COL20A1: variants seen among roughly 807,000 people sequenced by gnomAD.
The protein encoded by COL20A1 is collagen alpha-1(XX) chain.
A neutral mutation model predicts 152.9 loss-of-function variants in COL20A1; 164 were observed. The observed-to-expected ratio is 1.07, with a 90% CI of 0.94 to 1.22. The LOEUF (loss-of-function observed/expected upper bound fraction) is 1.22. Among genes scored for constraint, COL20A1 ranks in the 50% most tolerant of loss-of-function variants. COL20A1 has a pLI of 0.00. For synonymous variants in COL20A1, 864 were observed against 756.0 expected (o/e 1.14, Z -2.34); for missense variants, 1,873 against 1,744.8 (o/e 1.07, Z -1.31).
At chr20:63,329,320 G>A in intron 34 of COL20A1, 1 of 548,332 alleles carries the variant, frequency 1.8e-6, no homozygotes. Context: ...CTGTCTAGAT[G>A]AGGGTGACAG....
At position 63,329,598 on chromosome 20, in the gene COL20A1, TG is replaced by T; in HGVS notation, c.3796del (p.Val1266LeufsTer147). On this transcript the variant is annotated frameshift_variant, in exon 35 of 36. Transcript: ENST00000358894. LOFTEE classifies it high-confidence loss of function. ...CTTTCCTCGCAGGGGAGCCTGGAGC[TG>T]TTGGTCAGATGGGCAGCCCTGGGCA... ...HLEGRGEPGA[V>X]GQMGSPGQQG... The T allele has an allele frequency of 3.7e-6, 6 of 1,609,514 alleles. No individual in the cohort carries two copies. The highest frequency in any genetic ancestry group is 4.2e-6 in the Non-Finnish European group (5 of 1,179,312).
intron 2 of COL20A1, among the ~76,000 whole-genome samples, chr20:63,295,871 C>T (rs1039494741): frequency 6.6e-6 from 1 of 152,288 alleles, no homozygotes; most frequent in African/African-American, 2.4e-5. Flanking sequence ...GTAAACTTGT[C>T]CCTGGGCTGG....
At chr20:63,295,700 G>A (rs111980331) in intron 2 of COL20A1, among the ~76,000 whole-genome samples, 9,083 of 152,340 alleles carry the variant, frequency 0.06, 337 homozygotes, top group Middle Eastern at 0.11. Flanking sequence ...TTTGGGTAAC[G>A]TAGGGCACCG....
intron 3 of COL20A1, among the ~76,000 whole-genome samples, chr20:63,303,253 GT>G (rs751913195): frequency 3.9e-5 from 6 of 152,256 alleles, no homozygotes; most frequent in South Asian, 4.2e-4. Context: ...TTGAAATGGG[GT>G]CTCACTATAC....
Position 63,312,867 on chromosome 20 carries a change from C to A in COL20A1, c.2009C>A (p.Ala670Glu). 1 of 1,557,196 alleles carries A rather than the reference C, an allele frequency of 6.4e-7. No individual in the cohort carries two copies. The highest frequency in any genetic ancestry group is 8.7e-7 in the Non-Finnish European group (1 of 1,150,740). ...GCAGTCCAGCTGGCGTGGGTGGCCG[C>A]AGCCCCGTCTGGCGTGCTTGTCTAC... The part of the protein sequence containing the change: ...GDAVQLAWVA[A>E]APSGVLVYQI... Residue 670 changes from alanine (A) to glutamate (E), a missense_variant, in exon 16 of 36, where the codon GCA becomes GAA. By Grantham distance (107) the Ala-to-Glu change is moderately radical (BLOSUM62 -1). Coordinates refer to ENST00000358894, the MANE Select transcript of COL20A1 (RefSeq NM_020882.4).
Position 63,325,777 on chromosome 20 carries a change from C to T in COL20A1, c.3402+56C>T, listed in dbSNP as rs555772296. 156 of 1,509,842 alleles carry T rather than the reference C, an allele frequency of 1.0e-4. 2 individuals are homozygous for T. Among genetic ancestry groups the T allele is most frequent in the South Asian group, 9.9e-4 (86 of 87,140 alleles). The allele number at this position is 1,509,842 out of a possible 1,614,324, so 93.5% of individuals were successfully genotyped here. Reference sequence around the variant, plus strand: ...AGGGTGGTAGAGACTGGCCTGGGGACGGGGGGCCTTGGAGATGGAGGCTGT... The same window carrying T: ...AGGGTGGTAGAGACTGGCCTGGGGATGGGGGGCCTTGGAGATGGAGGCTGT... On this transcript the variant is annotated intron_variant, in intron 29 of 35. Transcript: ENST00000358894.
intron 29 of COL20A1, 111 bp from the exon 30 acceptor site, chr20:63,325,985 C>A: frequency 2.0e-6 from 2 of 1,016,262 alleles, no homozygotes; most frequent in Non-Finnish European, 1.5e-6. Context: ...GCTGCCTCAC[C>A]TTTGCTGCTT....
chr20:63,308,546 T>C lies in COL20A1; in HGVS notation c.780T>C (p.Leu260=). ...RYKGGNTFTG[L]ALTHVLGQNL... is the part of the protein sequence containing the mutation. ...TTTATTCCTGCTGCTCCCAAGGCCT[T>C]GCCCTGACCCACGTGCTGGGGCAGA... is the stretch of plus-strand genomic sequence containing the variant. The change falls in exon 8 of 36, where the codon CTT becomes CTC. Residue 260 remains leucine (L), a synonymous_variant. Transcript: ENST00000358894. 3 of 1,596,172 alleles carry C rather than the reference T, an allele frequency of 1.9e-6. No homozygotes were observed. Among genetic ancestry groups the C allele is most frequent in the Non-Finnish European group, 1.7e-6 (2 of 1,171,916 alleles).
rs6011747 is a variant in COL20A1 at position 63,333,315 on chromosome 20, A to G, written c.*2599A>G. The G allele has an allele frequency of 0.095, 14,455 of 152,330 alleles. 1,000 individuals carry two copies. Among genetic ancestry groups the G allele is most frequent in the African/African-American group, 0.19 (7,999 of 41,504 alleles). 9.4% of individuals were successfully genotyped at this position (152,330 alleles called of 1,614,324 possible). ...CCATGCAGCCGGGGATGTTCAGCTC[A>G]GGCCAGCCACCGAGGTGGTGTGACG... On this transcript the variant is annotated 3_prime_UTR_variant, in exon 36 of 36. Coordinates refer to ENST00000358894, the MANE Select transcript of COL20A1 (RefSeq NM_020882.4).
Position 63,330,748 on chromosome 20 carries a change from C to T in COL20A1, c.*32C>T, listed in dbSNP as rs2068322857. ...ATTTTCTGCACTGCCCCGAGGAACG[C>T]TGAGCCTTCCTCCCTGGGTTTGTCT... is the stretch of plus-strand genomic sequence containing the variant. On this transcript the variant is annotated 3_prime_UTR_variant, in exon 36 of 36. Coordinates refer to ENST00000358894, the MANE Select transcript of COL20A1 (RefSeq NM_020882.4). 2.0e-5 allele frequency: 3 copies of T among 152,284 alleles called. No homozygotes were observed. Among genetic ancestry groups the T allele is most frequent in the Admixed American group, 2.0e-4 (3 of 15,294 alleles). The allele number at this position is 152,284 out of a possible 1,614,324, so 9.4% of individuals were successfully genotyped here.
At chr20:63,295,853 G>A (rs748950798) in intron 2 of COL20A1, among the ~76,000 whole-genome samples, 2 of 152,278 alleles carry the variant, frequency 1.3e-5, no homozygotes, top group Non-Finnish European at 2.9e-5. Context: ...CGGGGCCTCG[G>A]CCACGCTGTA....
At chr20:63,318,243 G>C (rs957454177) in intron 21 of COL20A1, among the ~76,000 whole-genome samples, 1 of 152,190 alleles carries the variant, frequency 6.6e-6, no homozygotes, top group Non-Finnish European at 1.5e-5. Context: ...GGCTCCTGCT[G>C]TGTGGGGTCG....
chr20:63,327,087 TC>T, intron 31 of COL20A1: 1 of 402,782 alleles, frequency 2.5e-6, no homozygotes, highest in Non-Finnish European at 4.4e-6. Flanking sequence ...CCTGTCGCTC[TC>T]CCAGGGACTT....
chr20:63,298,088 C>T (rs992562407), intron 3 of COL20A1, 68 bp downstream of exon 3: 102 of 1,062,184 alleles, frequency 9.6e-5, no homozygotes, highest in Non-Finnish European at 1.3e-4. Flanking sequence ...GTGTGGTGGC[C>T]GCAGCCACCA....
At chr20:63,308,471 G>T in intron 7 of COL20A1, 71 bp from the exon 8 acceptor site, 1 of 1,384,430 alleles carries the variant, frequency 7.2e-7, no homozygotes, top group South Asian at 1.4e-5. Context: ...TCTGCTGTCC[G>T]GTTGCTGCCA....
Position 63,313,848 on chromosome 20 carries a change from G to A in COL20A1, c.2315G>A (p.Trp772Ter), listed in dbSNP as rs2068049992. The change falls in exon 18 of 36, where the codon TGG becomes TAG. Residue 772 changes from tryptophan to a stop codon, truncating the protein, a stop_gained. Coordinates refer to ENST00000358894, the MANE Select transcript of COL20A1 (RefSeq NM_020882.4). LOFTEE classifies it high-confidence loss of function. The surrounding 1 kb of genome is among the most constrained non-coding windows in gnomAD (Gnocchi z 5.9). Reference protein sequence around the residue: ...TPPLGRVLHYWLTYAPASGLG... With the variant: ...TPPLGRVLHY Reference sequence around the variant, plus strand: ...CCGCTTGGCCGCGTGCTCCATTACTGGCTCACCTACGCCCCCGCCTCTGGC... The same window carrying A: ...CCGCTTGGCCGCGTGCTCCATTACTAGCTCACCTACGCCCCCGCCTCTGGC... The A allele has an allele frequency of 1.2e-6, 2 of 1,610,754 alleles. No homozygotes were observed. The highest frequency in any genetic ancestry group is 1.7e-5 in the Admixed American group (1 of 59,780).
intron 21 of COL20A1, among the ~76,000 whole-genome samples, chr20:63,317,534 T>C (rs1448181844): frequency 6.6e-6 from 1 of 151,062 alleles, no homozygotes; most frequent in Non-Finnish European, 1.5e-5. Flanking sequence ...TTTAAAATTA[T>C]AGAAATATAT....
Position 63,328,427 on chromosome 20 carries a change from C to A in COL20A1, c.3710C>A (p.Ser1237Tyr), listed in dbSNP as rs376331855. 2.1e-4 allele frequency: 335 copies of A among 1,612,440 alleles called. 9 individuals carry two copies. The South Asian group carries it at 2.6e-3, about 13-fold the overall frequency. ...GAGCCGGGCACTGAGCCCCTGGGGT[C>A]CCCTGGCACCCGCAGCAAGGCCCTG... ...KLEPGTEPLG[S>Y]PGTRSKALVP... is the part of the protein sequence containing the mutation. The change falls in exon 34 of 36, where the codon TCC becomes TAC. Residue 1237 changes from serine (S) to tyrosine (Y), a missense_variant. Transcript: ENST00000358894.
At chr20:63,318,373 T>C (rs940183851) in intron 21 of COL20A1, among the ~76,000 whole-genome samples, 2 of 135,196 alleles carry the variant, frequency 1.5e-5, no homozygotes, top group Non-Finnish European at 3.4e-5. Context: ...GCTACGGCCA[T>C]TGGGACCCCA....
Sources: allele counts gnomAD v4.1 joint callset (sites outside exome capture counted in the v4.1 genomes callset), GRCh38; gene constraint gnomAD v4.1.1; non-coding constraint Gnocchi (gnomAD v3.1); transcripts MANE v1.5; gene names NCBI Gene and HGNC (gene_info 2026-07-23, HGNC 2026-07-21).